DEF8: variants seen among roughly 807,000 people sequenced by gnomAD.
The protein encoded by DEF8 is DEF-8.
Under a neutral mutation model 59.1 loss-of-function variants are expected in DEF8, and 38 were observed. The ratio of observed to expected loss-of-function variants is 0.64; its 90% CI spans 0.50 to 0.84. The LOEUF (loss-of-function observed/expected upper bound fraction) is 0.84, where lower values mean the gene tolerates loss of function less well. Among genes scored for constraint, DEF8 ranks in the 40% least tolerant of loss-of-function variants. The probability of loss-of-function intolerance (pLI) is 0.00; values close to 1 mark genes in which losing one functional copy is unlikely to be tolerated. For synonymous variants in DEF8, 265 were observed against 250.1 expected, an observed-to-expected ratio of 1.06 and a Z score of -0.56; for missense variants, 557 against 615.2, an observed-to-expected ratio of 0.91 and a Z score of 1.00.
At chr16:89,964,675 G>A in intron 12 of DEF8, 100 bp downstream of exon 12, 1 of 838,460 alleles carries the variant, frequency 1.2e-6, no homozygotes, top group Non-Finnish European at 1.9e-6. Context: ...GTGGGAGCTG[G>A]CACTGCTCCC....
Position 89,964,591 on chromosome 16 carries a change from G to GC in DEF8, c.1253+20dup, listed in dbSNP as rs749460017. On this transcript the variant is annotated intron_variant, in intron 12 of 12. Coordinates refer to ENST00000563594, the MANE Select transcript of DEF8 (RefSeq NM_001242818.2). ...TCTTCCACAGGTGGGTGTGGCCTGG[G>GC]CCCCGCACTCGGGGGCTGGGGCTCT... 5 of 1,543,010 alleles carry GC rather than the reference G, an allele frequency of 3.2e-6. No individual in the cohort carries two copies. In the East Asian group the frequency reaches 9.7e-5, roughly 30 times the overall value.
intron 2 of DEF8, chr16:89,950,011 T>A: frequency 9.6e-7 from 1 of 1,041,176 alleles, no homozygotes; most frequent in African/African-American, 1.7e-5. Context: ...GCGCCAGGCC[T>A]GGGGCTGGCA....
rs138724551 is a variant in DEF8 at position 89,965,408 on chromosome 16, A to G, written c.1254-453A>G. On this transcript the variant is annotated intron_variant, in intron 12 of 12. Transcript: ENST00000563594. ...GACTGTGGCAGAAACTAAGGTTGAG[A>G]CTGAACTCGCTCGAGCTAGTCGTTT... is the stretch of plus-strand genomic sequence containing the variant. Among the ~76,000 whole-genome samples, 532 of 152,302 alleles carry G rather than the reference A, an allele frequency of 3.5e-3. 3 individuals are homozygous for G. The highest frequency in any genetic ancestry group is 0.012 in the African/African-American group (502 of 41,558).
At chr16:89,955,661 C>A (rs1432810324) in intron 4 of DEF8, among the ~76,000 whole-genome samples, 1 of 152,158 alleles carries the variant, frequency 6.6e-6, no homozygotes, top group African/African-American at 2.4e-5. Context: ...AGGGGAAGCC[C>A]CTTGTCTGCC....
intron 5 of DEF8, 37 bp downstream of exon 5, chr16:89,957,697 G>A: frequency 1.3e-6 from 2 of 1,513,722 alleles, no homozygotes; most frequent in Non-Finnish European, 1.8e-6. Flanking sequence ...GGCAGCCTGG[G>A]GCCGAGGCCA....
chr16:89,951,787 A>G (rs2032144574), intron 2 of DEF8, among the ~76,000 whole-genome samples: 1 of 152,006 alleles, frequency 6.6e-6, no homozygotes. Flanking sequence ...TTTAAGGACA[A>G]TTCTCAGAAG....
intron 8 of DEF8, 24 bp downstream of exon 8, chr16:89,961,888 TC>T: frequency 6.3e-7 from 1 of 1,579,576 alleles, no homozygotes; most frequent in Non-Finnish European, 8.6e-7. Flanking sequence ...GGTGGGGGCA[TC>T]CCCCTGGGGA....
chr16:89,957,200 A>G (rs867826647), intron 4 of DEF8: 2 of 221,748 alleles, frequency 9.0e-6, no homozygotes, highest in Non-Finnish European at 9.0e-6. Context: ...AAGGAAGTGA[A>G]GTGACATAAC....
intron 6 of DEF8, among the ~76,000 whole-genome samples, chr16:89,959,765 G>A (rs916942194): frequency 6.6e-6 from 1 of 152,262 alleles, no homozygotes; most frequent in Non-Finnish European, 1.5e-5. Flanking sequence ...CCAAAGTGCT[G>A]GGATTACAGG....
intron 8 of DEF8, 70 bp downstream of exon 8, chr16:89,961,934 G>A: frequency 1.2e-6 from 2 of 1,604,096 alleles, no homozygotes; most frequent in South Asian, 2.2e-5. Context: ...TGTGGAGCCG[G>A]TGTACCCCTG....
In DEF8 at chr16:89,955,173, C is replaced by T. The variant is rs1490725283; in HGVS notation, c.129C>T (p.Ala43=). 2 of 1,612,914 alleles carry T rather than the reference C, an allele frequency of 1.2e-6. No homozygotes were observed. Among genetic ancestry groups the T allele is most frequent in the East Asian group, 2.2e-5 (1 of 44,890 alleles). ...CCTGTCCCCGTCTTCCTCCAGAGGC[C>T]CTGCCTGAGCTGCCCCCTGGGGAGC... The part of the protein sequence containing the change: ...EEVPDVTPEE[A]LPELPPGEPE... The change falls in exon 4 of 13, where the codon GCC becomes GCT. Residue 43 remains alanine (A), a synonymous_variant. Coordinates refer to ENST00000563594, the MANE Select transcript of DEF8 (RefSeq NM_001242818.2).
chr16:89,964,518 TGTTCCCGTTCGACAGCCACAC>T lies in DEF8; in HGVS notation c.1199_1219del (p.Phe400_Thr406del). 1 of 1,598,286 alleles carries T rather than the reference TGTTCCCGTTCGACAGCCACAC, an allele frequency of 6.3e-7. No individual in the cohort carries two copies. The highest frequency in any genetic ancestry group is 8.5e-7 in the Non-Finnish European group (1 of 1,173,000). ...GAGCTCTGCAGAGAGGGCGACGTGC[TGTTCCCGTTCGACAGCCACAC>T]GTCTGTGTGCGCCGACTGCTCCGCG... is the stretch of plus-strand genomic sequence containing the variant. On this transcript the variant is annotated inframe_deletion, in exon 12 of 13. Coordinates refer to ENST00000563594, the MANE Select transcript of DEF8 (RefSeq NM_001242818.2).
intron 2 of DEF8, chr16:89,952,431 G>A (rs2032334674): frequency 6.5e-6 from 1 of 152,762 alleles, no homozygotes; most frequent in African/African-American, 2.4e-5. Flanking sequence ...GAAGCCAGGA[G>A]CCCAGAGCTG....
intron 1 of DEF8, 132 bp from the exon 2 acceptor site, chr16:89,949,285 G>A (rs1597443767): frequency 1.3e-6 from 1 of 757,170 alleles, no homozygotes. Context: ...GGGCTGCTCC[G>A]AGCCTCAGTT....
chr16:89,957,616 G>A lies in DEF8; in HGVS notation c.328G>A (p.Val110Met), dbSNP rs779471894. The change falls in exon 5 of 13, where the codon GTG becomes ATG. Residue 110 changes from valine to methionine, a missense_variant. Val to Met is a conservative substitution (Grantham distance 21, BLOSUM62 1). Coordinates refer to ENST00000563594, the MANE Select transcript of DEF8 (RefSeq NM_001242818.2). ...PEQSEKQKDAVVRLIHLRLKL... is the reference protein window; with the variant it reads ...PEQSEKQKDAMVRLIHLRLKL... ...GCAGTCGGAGAAGCAGAAGGATGCC[G>A]TGGTGCGACTCATCCACCTCCGGCT... 5 of 1,578,864 alleles carry A rather than the reference G, an allele frequency of 3.2e-6. No individual in the cohort carries two copies. Among genetic ancestry groups the A allele is most frequent in the Admixed American group, 1.8e-5 (1 of 54,852 alleles).
Position 89,965,027 on chromosome 16 carries a change from CTTTGA to C in DEF8, c.1253+456_1253+460del, listed in dbSNP as rs564153530. On this transcript the variant is annotated intron_variant, in intron 12 of 12. Transcript: ENST00000563594. ...TCTAAGCCAGAAGAAATTCCTAACA[CTTTGA>C]TTTATTAAGTACTTATGCTCTCGCG... 2.3e-3 allele frequency among the ~76,000 whole-genome samples: 352 copies of C among 152,294 alleles called. 4 individuals carry two copies. The highest frequency in any genetic ancestry group is 7.9e-3 in the African/African-American group (329 of 41,558).
chr16:89,954,220 TCCTGGCCCTG>T lies in DEF8; in HGVS notation c.-10-13_-10-4del, dbSNP rs1297374374. On this transcript the variant is annotated splice_polypyrimidine_tract_variant and intron_variant, in intron 2 of 12. Transcript: ENST00000563594. This position sits in a 1 kb window ranked among gnomAD's most constrained non-coding sequence, Gnocchi z 4.3. ...GGTGAGCCTGGTACCTGGGGACTCA[TCCTGGCCCTG>T]CCTGGCCCTCAGGTGGGATGCTATG... 6.2e-7 allele frequency: 1 copy of T among 1,608,508 alleles called. No individual in the cohort carries two copies. Among genetic ancestry groups the T allele is most frequent in the Non-Finnish European group, 8.5e-7 (1 of 1,178,048 alleles).
intron 4 of DEF8, chr16:89,956,495 C>T (rs1211580979): frequency 3.3e-5 from 5 of 151,628 alleles, no homozygotes; most frequent in East Asian, 1.9e-4. Context: ...ATATTTGTTT[C>T]GTATCTTATT....
At chr16:89,955,941 C>CGG (rs2033096402) in intron 4 of DEF8, among the ~76,000 whole-genome samples, 1 of 151,660 alleles carries the variant, frequency 6.6e-6, no homozygotes, top group Admixed American at 6.6e-5. Context: ...GGCGTGGTGG[C>CGG]ACATGCCTGT....
Sources: allele counts gnomAD v4.1 joint callset (sites outside exome capture counted in the v4.1 genomes callset), GRCh38; gene constraint gnomAD v4.1.1; non-coding constraint Gnocchi (gnomAD v3.1); transcripts MANE v1.5; gene names NCBI Gene and HGNC (gene_info 2026-07-23, HGNC 2026-07-21).